The following L3MBTL4 variants were observed in gnomAD, a reference collection of about 807,000 sequenced individuals.
The protein encoded by L3MBTL4 is L3MBTL histone methyl-lysine binding protein 4, also known as lethal(3)malignant brain tumor-like protein 4.
Under a neutral mutation model 84.5 loss-of-function variants are expected in L3MBTL4, and 70 were observed. The observed-to-expected ratio is 0.83, with a 90% CI of 0.68 to 1.01. L3MBTL4 has a LOEUF of 1.01. L3MBTL4 is among the 50% of genes least tolerant of loss of function. L3MBTL4 has a pLI of 0.00. For missense variants in L3MBTL4, 715 were observed against 754.8 expected (o/e 0.95, Z 0.62); for synonymous variants, 274 against 259.8 (o/e 1.05, Z -0.52).
chr18:6,035,732 C>T (rs993733846), intron 16 of L3MBTL4, among the ~76,000 whole-genome samples: 4 of 152,070 alleles, frequency 2.6e-5, no homozygotes, highest in African/African-American at 9.7e-5. Context: ...CTGTAAATTA[C>T]CTTGAGCAGT....
intron 12 of L3MBTL4, among the ~76,000 whole-genome samples, chr18:6,202,391 G>C (rs1357443120): frequency 2.0e-5 from 3 of 152,100 alleles, no homozygotes; most frequent in Non-Finnish European, 2.9e-5. Context: ...TAAATGCAAT[G>C]AGATGTCATG....
intron 16 of L3MBTL4, among the ~76,000 whole-genome samples, chr18:6,052,039 T>C (rs1413980775): frequency 2.0e-5 from 3 of 152,186 alleles, no homozygotes; most frequent in African/African-American, 7.2e-5. Flanking sequence ...TCCCTTGCAG[T>C]TTCCCTAATA....
chr18:6,349,253 A>G (rs1382876329), intron 1 of L3MBTL4, among the ~76,000 whole-genome samples: 1 of 152,234 alleles, frequency 6.6e-6, no homozygotes, highest in Non-Finnish European at 1.5e-5. Flanking sequence ...CCACAGCAGC[A>G]TCATTCTTAA....
At chr18:6,322,502 GAAAGAAGGAAAA>G (rs2051473239) in intron 1 of L3MBTL4, among the ~76,000 whole-genome samples, 1 of 135,870 alleles carries the variant, frequency 7.4e-6, no homozygotes, top group Admixed American at 7.4e-5. Context: ...AGGAAGGAAG[GAAAGAAGGAAAA>G]AAAAAACAAA....
chr18:6,142,492 T>C (rs2060226372), intron 13 of L3MBTL4, among the ~76,000 whole-genome samples: 1 of 152,260 alleles, frequency 6.6e-6, no homozygotes, highest in Non-Finnish European at 1.5e-5. Context: ...AAGCACATCT[T>C]ATGTTCTTAT....
At chr18:6,087,567 A>G (rs2058298987) in intron 15 of L3MBTL4, among the ~76,000 whole-genome samples, 1 of 152,136 alleles carries the variant, frequency 6.6e-6, no homozygotes, top group Non-Finnish European at 1.5e-5. Flanking sequence ...AAAACCCCCT[A>G]TAGGGCAAGA....
intron 16 of L3MBTL4, among the ~76,000 whole-genome samples, chr18:6,032,948 T>C (rs2055908591): frequency 6.6e-6 from 1 of 152,222 alleles, no homozygotes; most frequent in Admixed American, 6.5e-5. Flanking sequence ...ACCTAACCTA[T>C]GTTTTGTCCT....
intron 1 of L3MBTL4, among the ~76,000 whole-genome samples, chr18:6,329,138 CTTTTTTT>C (rs2051881207): frequency 9.7e-6 from 1 of 103,210 alleles, no homozygotes. Context: ...TCTTTTGTTT[CTTTTTTT>C]CTTTTCTTTT....
chr18:6,148,233 T>G (rs561561785), intron 13 of L3MBTL4, among the ~76,000 whole-genome samples: 3 of 152,350 alleles, frequency 2.0e-5, no homozygotes, highest in African/African-American at 7.2e-5. Flanking sequence ...TATTTTAAAG[T>G]ATTTATACCA....
At chr18:6,270,130 T>C (rs541506514) in intron 4 of L3MBTL4, among the ~76,000 whole-genome samples, 15 of 152,288 alleles carry the variant, frequency 9.8e-5, no homozygotes, top group Middle Eastern at 6.8e-3. Context: ...AATAGCGCCT[T>C]CTTTTGTGGT....
At chr18:6,296,144 A>T (rs959229694) in intron 4 of L3MBTL4, among the ~76,000 whole-genome samples, 1 of 152,168 alleles carries the variant, frequency 6.6e-6, no homozygotes, top group Non-Finnish European at 1.5e-5. Context: ...CGGGAAGTAA[A>T]CTAGCTCCTC....
rs1555622582 is a variant in L3MBTL4 at position 5,981,998 on chromosome 18, G to GTGTGTGTGTGTT, written c.1445-12448_1445-12437dup. On this transcript the variant is annotated intron_variant, in intron 16 of 18. Transcript: ENST00000317931. ...TCTGTGTGTGTGTGTGTGTGTGTGT[G>GTGTGTGTGTGTT]TGTGTGTGTGTTTTGGGAAAAAAAA... 2.8e-3 allele frequency among the ~76,000 whole-genome samples: 355 copies of GTGTGTGTGTGTT among 128,642 alleles called. 1 individual carries two copies. The highest frequency in any genetic ancestry group is 9.8e-3 in the African/African-American group (287 of 29,148). The allele number at this position is 128,642 out of a possible 152,430, so 84.4% of individuals were successfully genotyped here. A position where few individuals can be genotyped will look rare whatever the true frequency, so the allele number is the denominator to read the frequency against.
chr18:6,115,852 G>A (rs778825862), intron 14 of L3MBTL4, among the ~76,000 whole-genome samples: 1 of 152,130 alleles, frequency 6.6e-6, no homozygotes, highest in African/African-American at 2.4e-5. Context: ...TCAGTATCTG[G>A]GCTCCACCTC....
chr18:6,087,430 C>A (rs563440921), intron 15 of L3MBTL4, among the ~76,000 whole-genome samples: 3 of 152,232 alleles, frequency 2.0e-5, no homozygotes, highest in East Asian at 3.9e-4. Context: ...GAATTAATCT[C>A]TTGAGTCCTT....
At chr18:6,100,100 C>T (rs760384685) in intron 14 of L3MBTL4, among the ~76,000 whole-genome samples, 7 of 152,290 alleles carry the variant, frequency 4.6e-5, no homozygotes, top group Non-Finnish European at 7.4e-5. Context: ...GCTACTCGCT[C>T]TATAACCTTG....
chr18:6,039,378 G>A (rs2056299462), intron 16 of L3MBTL4, among the ~76,000 whole-genome samples: 1 of 152,112 alleles, frequency 6.6e-6, no homozygotes, highest in African/African-American at 2.4e-5. Context: ...TAATGCTAGA[G>A]TCGGCTCTTT....
intron 1 of L3MBTL4, among the ~76,000 whole-genome samples, chr18:6,403,896 C>CG (rs991350600): frequency 1.3e-5 from 2 of 151,712 alleles, no homozygotes; most frequent in Admixed American, 6.6e-5. Context: ...CATATATATA[C>CG]CATGGAATAC....
intron 16 of L3MBTL4, among the ~76,000 whole-genome samples, chr18:5,972,900 AAT>A (rs2052719598): frequency 1.2e-4 from 1 of 8,274 alleles, no homozygotes; most frequent in Non-Finnish European, 2.2e-4. Flanking sequence ...AAGAGAATAG[AAT>A]AGAATAGAAT....
chr18:6,040,774 T>C (rs2056365713), intron 16 of L3MBTL4, among the ~76,000 whole-genome samples: 1 of 152,152 alleles, frequency 6.6e-6, no homozygotes, highest in Non-Finnish European at 1.5e-5. Flanking sequence ...GGCAAGCCCC[T>C]AAACCATCCT....
Sources: gnomAD v4.1 joint callset for allele counts (sites outside exome capture counted in the v4.1 genomes callset) on GRCh38, gnomAD v4.1.1 for gene constraint, MANE v1.5 for transcripts, NCBI Gene and HGNC (gene_info 2026-07-23, HGNC 2026-07-21) for gene names.